The following FSTL5 variants were observed in gnomAD, a reference collection of about 807,000 sequenced individuals.
The protein encoded by FSTL5 is follistatin like 5, also known as follistatin-related protein 5.
In FSTL5, 62 loss-of-function variants were observed where a neutral mutation model predicts 89.1. The ratio of observed to expected loss-of-function variants is 0.70; its 90% confidence interval spans 0.57 to 0.86. The LOEUF (loss-of-function observed/expected upper bound fraction) is 0.86, where lower values mean the gene tolerates loss of function less well. Among genes scored for constraint, FSTL5 ranks in the 40% least tolerant of loss-of-function variants. FSTL5 has a pLI of 0.00. For synonymous variants in FSTL5, 383 were observed against 346.2 expected (o/e 1.11, Z -1.18); for missense variants, 1,057 against 1,001.6 (o/e 1.06, Z -0.75).
chr4:161,961,801 TAACTTCTACC>T (rs1735186284), intron 3 of FSTL5, among the ~76,000 whole-genome samples: 1 of 151,912 alleles, frequency 6.6e-6, no homozygotes, highest in African/African-American at 2.4e-5. Context: ...TTAAATGTTC[TAACTTCTACC>T]AACTTGAGTT....
At chr4:161,865,660 CAA>C (rs751201661) in intron 4 of FSTL5, among the ~76,000 whole-genome samples, 20 of 152,018 alleles carry the variant, frequency 1.3e-4, no homozygotes, top group Admixed American at 3.3e-4. Context: ...CATAACCTTT[CAA>C]AAGTCTTAAA....
chr4:161,658,726 A>G lies in FSTL5; in HGVS notation c.728-2232T>C, dbSNP rs530028035. Among the ~76,000 whole-genome samples, 5 of 152,358 alleles carry G rather than the reference A, an allele frequency of 3.3e-5. No individual in the cohort carries two copies. In the East Asian group the frequency reaches 9.6e-4, roughly 29 times the overall value. ...GTCTTTTTTAATGTTACAAACTTAC[A>G]GAAAGTGAGAACATTATAAAAGTAA... On this transcript the variant is annotated intron_variant, in intron 6 of 15. Coordinates refer to ENST00000306100, the MANE Select transcript of FSTL5 (RefSeq NM_020116.5).
intron 6 of FSTL5, among the ~76,000 whole-genome samples, chr4:161,720,969 C>G (rs970046101): frequency 6.6e-6 from 1 of 152,098 alleles, no homozygotes; most frequent in Non-Finnish European, 1.5e-5. Flanking sequence ...TAGTTACCAA[C>G]GCCACACTGT....
At position 161,655,171 on chromosome 4, in the gene FSTL5, G is replaced by A. The variant is rs146803392; in HGVS notation, c.894+1157C>T. 6.0e-3 allele frequency among the ~76,000 whole-genome samples: 917 copies of A among 152,076 alleles called. 9 individuals carry two copies. The highest frequency in any genetic ancestry group is 0.046 in the South Asian group (220 of 4,824). Reference sequence around the variant, plus strand: ...CTATAGGCTGTTTCTCAACCATAAGGGCATTAAATAGATATTATTGATAAT... The same window carrying A: ...CTATAGGCTGTTTCTCAACCATAAGAGCATTAAATAGATATTATTGATAAT... On this transcript the variant is annotated intron_variant, in intron 7 of 15. Coordinates refer to ENST00000306100, the MANE Select transcript of FSTL5 (RefSeq NM_020116.5).
intron 13 of FSTL5, among the ~76,000 whole-genome samples, chr4:161,478,966 A>G (rs1352773792): frequency 2.0e-5 from 3 of 152,138 alleles, no homozygotes; most frequent in African/African-American, 7.2e-5. Flanking sequence ...ATATCCATTT[A>G]TGCTCAAAAT....
chr4:161,885,306 T>C (rs188435812), intron 4 of FSTL5, among the ~76,000 whole-genome samples: 4 of 152,296 alleles, frequency 2.6e-5, no homozygotes, highest in Admixed American at 1.3e-4. Context: ...ACTCAGACAT[T>C]GCTTTCCTCA....
At chr4:161,825,451 G>C (rs1406786244) in intron 4 of FSTL5, among the ~76,000 whole-genome samples, 1 of 152,126 alleles carries the variant, frequency 6.6e-6, no homozygotes, top group African/African-American at 2.4e-5. Flanking sequence ...TTGTGGGATA[G>C]TATCAATAGG....
At chr4:161,639,091 G>A (rs1735845796) in intron 7 of FSTL5, among the ~76,000 whole-genome samples, 1 of 151,928 alleles carries the variant, frequency 6.6e-6, no homozygotes, top group Non-Finnish European at 1.5e-5. Flanking sequence ...ACTGGCACAA[G>A]ACAGGGATGC....
chr4:161,621,972 G>A (rs1420331202), intron 7 of FSTL5, among the ~76,000 whole-genome samples: 2 of 151,638 alleles, frequency 1.3e-5, no homozygotes, highest in Non-Finnish European at 2.9e-5. Context: ...ACTCCAGCCT[G>A]GCAACAAGCA....
intron 4 of FSTL5, among the ~76,000 whole-genome samples, chr4:161,875,589 C>T (rs985918146): frequency 2.0e-5 from 3 of 152,168 alleles, no homozygotes; most frequent in African/African-American, 7.2e-5. Flanking sequence ...AGCCACTGGT[C>T]GGGTCCGCTC....
chr4:161,697,257 C>CT (rs539718470), intron 6 of FSTL5, among the ~76,000 whole-genome samples: 2 of 152,118 alleles, frequency 1.3e-5, no homozygotes, highest in Non-Finnish European at 1.5e-5. Flanking sequence ...ATTTACCAGA[C>CT]TTTTTTTGTC....
intron 4 of FSTL5, among the ~76,000 whole-genome samples, chr4:161,823,952 C>T (rs1204882038): frequency 6.6e-6 from 1 of 152,162 alleles, no homozygotes; most frequent in Non-Finnish European, 1.5e-5. Context: ...TTTTTTCCCA[C>T]TCTATGGGTT....
At chr4:161,556,966 A>C (rs1201588306) in intron 8 of FSTL5, among the ~76,000 whole-genome samples, 1 of 151,224 alleles carries the variant, frequency 6.6e-6, no homozygotes, top group Non-Finnish European at 1.5e-5. Flanking sequence ...GAGAGTTATA[A>C]ATATAGTTTC....
chr4:162,120,300 C>T (rs1731801180), intron 1 of FSTL5, among the ~76,000 whole-genome samples: 1 of 152,066 alleles, frequency 6.6e-6, no homozygotes, highest in Non-Finnish European at 1.5e-5. Flanking sequence ...CTGCTTTAAA[C>T]AAATGGTACT....
chr4:161,713,908 A>G (rs758377478), intron 6 of FSTL5, among the ~76,000 whole-genome samples: 33 of 152,078 alleles, frequency 2.2e-4, no homozygotes, highest in Non-Finnish European at 3.4e-4. Flanking sequence ...TTTGACATCT[A>G]TTGTCACATT....
intron 6 of FSTL5, among the ~76,000 whole-genome samples, chr4:161,664,345 C>A (rs1736814946): frequency 6.6e-6 from 1 of 152,152 alleles, no homozygotes; most frequent in Admixed American, 6.5e-5. Context: ...ACCCAAATCA[C>A]CTTTTGAATG....
rs192560712 is a variant in FSTL5, at chr4:161,920,373, G to A, written c.409+31C>T. ...GTTGAGAAAGAAAAGAAATAGAGTG[G>A]GGTGACACTTAAGGTTCACCCTTCA... On this transcript the variant is annotated intron_variant, in intron 4 of 15. Coordinates refer to ENST00000306100, the MANE Select transcript of FSTL5 (RefSeq NM_020116.5). 5.9e-5 allele frequency: 94 copies of A among 1,600,870 alleles called. No individual in the cohort carries two copies. The African/African-American group carries it at 1.1e-3, about 18-fold the overall frequency.
At chr4:162,110,317 TAC>T (rs1331415104) in intron 2 of FSTL5, among the ~76,000 whole-genome samples, 3 of 151,990 alleles carry the variant, frequency 2.0e-5, no homozygotes, top group Admixed American at 2.0e-4. Context: ...AATCAGATAA[TAC>T]ATTGAAGAGC....
intron 6 of FSTL5, among the ~76,000 whole-genome samples, chr4:161,721,079 C>G (rs1386392469): frequency 1.3e-5 from 2 of 151,066 alleles, no homozygotes; most frequent in African/African-American, 2.4e-5. Context: ...GAGATCGAGA[C>G]CATCCTGGCT....
Sources: gnomAD v4.1 joint callset for allele counts (sites outside exome capture counted in the v4.1 genomes callset) on GRCh38, gnomAD v4.1.1 for gene constraint, MANE v1.5 for transcripts, NCBI Gene and HGNC (gene_info 2026-07-23, HGNC 2026-07-21) for gene names.